Variants in BMPR1B observed in about 807,000 individuals in gnomAD.
The protein encoded by BMPR1B is bone morphogenetic protein receptor type-1B.
A neutral mutation model predicts 59.1 loss-of-function variants in BMPR1B; 12 were observed. The observed-to-expected ratio is 0.20, with a 90% CI of 0.13 to 0.33. The LOEUF (loss-of-function observed/expected upper bound fraction) is 0.33, where lower values mean the gene tolerates loss of function less well. BMPR1B is among the 10% of genes least tolerant of loss of function. BMPR1B has a pLI of 1.00. For missense variants in BMPR1B, 550 were observed against 610.9 expected, an observed-to-expected ratio of 0.90 and a Z score of 1.05; for synonymous variants, 237 against 207.3, an observed-to-expected ratio of 1.14 and a Z score of -1.23.
intron 2 of BMPR1B, among the ~76,000 whole-genome samples, chr4:94,970,378 C>T (rs950644688): frequency 2.6e-4 from 39 of 151,686 alleles, no homozygotes; most frequent in African/African-American, 7.8e-4. Flanking sequence ...TGTGGTGGCA[C>T]GATCTCGGCT....
intron 4 of BMPR1B, among the ~76,000 whole-genome samples, chr4:95,105,870 T>A (rs73839211): frequency 4.5e-4 from 69 of 152,104 alleles, no homozygotes; most frequent in African/African-American, 1.6e-3. Context: ...GAAAGCAAAA[T>A]TAGCAGGAGC....
intron 1 of BMPR1B, among the ~76,000 whole-genome samples, chr4:94,771,977 C>T (rs764911174): frequency 2.6e-5 from 4 of 152,078 alleles, no homozygotes; most frequent in Non-Finnish European, 4.4e-5. Flanking sequence ...ATAGGGAGGA[C>T]CAGAAAGTAT....
At chr4:95,002,505 A>C (rs1722523027) in intron 3 of BMPR1B, among the ~76,000 whole-genome samples, 1 of 152,198 alleles carries the variant, frequency 6.6e-6, no homozygotes, top group African/African-American at 2.4e-5. Context: ...AATGGGATTC[A>C]CTGGGTCGAA....
intron 2 of BMPR1B, among the ~76,000 whole-genome samples, chr4:94,898,853 G>A (rs752908559): frequency 1.3e-5 from 2 of 152,002 alleles, no homozygotes; most frequent in African/African-American, 4.8e-5. Context: ...AGAAAGTTCA[G>A]TACATTATCC....
chr4:94,956,171 C>T (rs958049644), intron 2 of BMPR1B, among the ~76,000 whole-genome samples: 1 of 152,012 alleles, frequency 6.6e-6, no homozygotes, highest in Admixed American at 6.6e-5. Context: ...TTTCTTTCTA[C>T]GTATTTAAAG....
In BMPR1B at chr4:95,157,205, A is replaced by C. The variant is rs1735486704; in HGVS notation, c.*2532A>C. 1 of 152,150 alleles carries C rather than the reference A, an allele frequency of 6.6e-6. No homozygotes were observed. The highest frequency in any genetic ancestry group is 2.4e-5 in the African/African-American group (1 of 41,450). The allele number at this position is 152,150 out of a possible 1,614,324, so 9.4% of individuals were successfully genotyped here. ...GTCCTATCCTCAATCTAATTTATTC[A>C]CTATTAATATTTTAAAAACATTCCT... On this transcript the variant is annotated 3_prime_UTR_variant, in exon 13 of 13. Coordinates refer to ENST00000515059, the MANE Select transcript of BMPR1B (RefSeq NM_001203.3).
At chr4:94,851,786 A>G (rs1325646250) in intron 1 of BMPR1B, among the ~76,000 whole-genome samples, 1 of 152,180 alleles carries the variant, frequency 6.6e-6, no homozygotes, top group Non-Finnish European at 1.5e-5. Context: ...TGCTTGGCAG[A>G]TAGTAAACAC....
rs1366843709 is a variant in BMPR1B, at chr4:95,064,865, T to A, written c.-17-39543T>A. Among the ~76,000 whole-genome samples the A allele has an allele frequency of 4.6e-5, 7 of 152,088 alleles. No homozygotes were observed. The South Asian group carries it at 1.0e-3, about 23-fold the overall frequency. ...GTACTAGGATGGCTGTAATAAAAGA[T>A]ATAATAAAAAATGATCCTAAAGATG... On this transcript the variant is annotated intron_variant, in intron 3 of 12. Transcript: ENST00000515059.
intron 3 of BMPR1B, among the ~76,000 whole-genome samples, chr4:95,050,584 G>T (rs1478491909): frequency 6.6e-6 from 1 of 152,136 alleles, no homozygotes; most frequent in Non-Finnish European, 1.5e-5. Context: ...AATGAGGGAT[G>T]TCTTTTGAAA....
chr4:94,909,286 TG>T (rs1267421259), intron 2 of BMPR1B, among the ~76,000 whole-genome samples: 1 of 151,990 alleles, frequency 6.6e-6, no homozygotes, highest in Non-Finnish European at 1.5e-5. Context: ...TATGAACTTT[TG>T]GGGGATACTA....
intron 1 of BMPR1B, among the ~76,000 whole-genome samples, chr4:94,786,078 G>T (rs1440087069): frequency 1.3e-5 from 2 of 152,176 alleles, no homozygotes; most frequent in Non-Finnish European, 2.9e-5. Flanking sequence ...GCTCTGTGAA[G>T]AATATAGTAT....
intron 2 of BMPR1B, among the ~76,000 whole-genome samples, chr4:94,889,707 A>G (rs539427402): frequency 7.2e-5 from 11 of 152,184 alleles, no homozygotes; most frequent in Admixed American, 5.2e-4. Context: ...AGAAGGAGCC[A>G]CAGTCTTCCT....
intron 3 of BMPR1B, among the ~76,000 whole-genome samples, chr4:95,086,998 C>CTTTT (rs34460668): frequency 1.6e-4 from 17 of 103,100 alleles, no homozygotes; most frequent in Non-Finnish European, 2.6e-4. Flanking sequence ...TCATATCCTT[C>CTTTT]TTTTTTTTTT....
intron 2 of BMPR1B, among the ~76,000 whole-genome samples, chr4:94,980,383 T>C (rs1024487269): frequency 4.6e-5 from 7 of 152,298 alleles, no homozygotes; most frequent in Non-Finnish European, 8.8e-5. Context: ...AATTCCTCTG[T>C]GATATACAAC....
chr4:95,016,720 T>C (rs1350658945), intron 3 of BMPR1B, among the ~76,000 whole-genome samples: 1 of 152,186 alleles, frequency 6.6e-6, no homozygotes, highest in Admixed American at 6.5e-5. Context: ...AGAGTACAAA[T>C]GGAGAACTGC....
chr4:94,877,532 C>T (rs968205553), intron 2 of BMPR1B, among the ~76,000 whole-genome samples: 60 of 152,190 alleles, frequency 3.9e-4, no homozygotes, highest in African/African-American at 1.4e-3. Flanking sequence ...AAAGAGAGAA[C>T]GAGCGGGTGC....
At position 95,156,905 on chromosome 4, in the gene BMPR1B, A is replaced by G. The variant is rs528642618; in HGVS notation, c.*2232A>G. ...ACAGATCATCTACAAAACAACAGGT[A>G]AACATTTATGCCAGTTAAGTGGGTC... On this transcript the variant is annotated 3_prime_UTR_variant, in exon 13 of 13. Transcript: ENST00000515059. 6.6e-6 allele frequency: 1 copy of G among 152,172 alleles called. No homozygotes were observed. The highest frequency in any genetic ancestry group is 1.5e-5 in the Non-Finnish European group (1 of 68,006). 9.4% of individuals were successfully genotyped at this position (152,172 alleles called of 1,614,324 possible).
intron 1 of BMPR1B, among the ~76,000 whole-genome samples, chr4:94,810,816 A>G (rs916048708): frequency 1.3e-5 from 2 of 152,210 alleles, no homozygotes; most frequent in Admixed American, 6.5e-5. Flanking sequence ...TGTCAGGCAC[A>G]TATTAGAGAG....
At chr4:95,004,512 A>G (rs1473164425) in intron 3 of BMPR1B, among the ~76,000 whole-genome samples, 1 of 152,084 alleles carries the variant, frequency 6.6e-6, no homozygotes, top group Non-Finnish European at 1.5e-5. Flanking sequence ...TTCCAGTCAT[A>G]TTTATTTTCC....
Sources: gnomAD v4.1 joint callset for allele counts (sites outside exome capture counted in the v4.1 genomes callset) on GRCh38, gnomAD v4.1.1 for gene constraint, MANE v1.5 for transcripts, NCBI Gene and HGNC (gene_info 2026-07-23, HGNC 2026-07-21) for gene names.